The following CNTRL variants were observed in gnomAD, a reference collection of about 807,000 sequenced individuals.
The protein encoded by CNTRL is 110 kDa centrosomal protein.
CNTRL carries 233 observed loss-of-function variants against 303.7 expected under a neutral mutation model. That is an observed-to-expected ratio of 0.77 (90% CI 0.69 to 0.86). The LOEUF (loss-of-function observed/expected upper bound fraction) is 0.86. Among genes scored for constraint, CNTRL ranks in the 40% least tolerant of loss-of-function variants. The probability of loss-of-function intolerance (pLI) is 0.00; values close to 1 mark genes in which losing one functional copy is unlikely to be tolerated. For missense variants in CNTRL, 2,524 were observed against 2,650.6 expected (o/e 0.95, Z 1.05); for synonymous variants, 900 against 922.2 (o/e 0.98, Z 0.44).
chr9:121,139,498 A>G (rs547616709), intron 16 of CNTRL, among the ~76,000 whole-genome samples: 2 of 152,194 alleles, frequency 1.3e-5, no homozygotes, highest in Non-Finnish European at 2.9e-5. Flanking sequence ...CACTTCAAAT[A>G]TTTGTTCCTT....
intron 7 of CNTRL, among the ~76,000 whole-genome samples, chr9:121,100,262 T>G (rs566525963): frequency 6.6e-6 from 1 of 152,312 alleles, no homozygotes; most frequent in South Asian, 2.1e-4. Flanking sequence ...TTCAACATTC[T>G]TAAAGAAAAT....
chr9:121,170,011 A>G lies in CNTRL; in HGVS notation c.6276+195A>G, dbSNP rs144302134. 8.7e-4 allele frequency among the ~76,000 whole-genome samples: 132 copies of G among 152,276 alleles called. 2 individuals carry two copies. In the East Asian group the frequency reaches 0.023, roughly 27 times the overall value. Reference sequence around the variant, plus strand: ...TTTACCTGGGACGGGTGCAGCCTCAATGGAGCTCTGGCTGGCTGGGGAGAC... The same window carrying G: ...TTTACCTGGGACGGGTGCAGCCTCAGTGGAGCTCTGGCTGGCTGGGGAGAC... On this transcript the variant is annotated intron_variant, in intron 39 of 43. Transcript: ENST00000373855.
intron 16 of CNTRL, among the ~76,000 whole-genome samples, chr9:121,139,589 T>C (rs1191060616): frequency 6.6e-6 from 1 of 152,238 alleles, no homozygotes; most frequent in Non-Finnish European, 1.5e-5. Flanking sequence ...TCATAAAAGA[T>C]ATACATGTTT....
chr9:121,165,660 A>C (rs2053060495), intron 35 of CNTRL, among the ~76,000 whole-genome samples: 1 of 152,146 alleles, frequency 6.6e-6, no homozygotes, highest in Non-Finnish European at 1.5e-5. Context: ...AAATTATTTT[A>C]CTCATTTGTA....
At position 121,175,009 on chromosome 9, in the gene CNTRL, A is replaced by G. The variant is rs1291462719; in HGVS notation, c.6748-9A>G. ...TGTGTAAAACCCTAAGTCTTATCACACTTTTCAGGCCCAACTCCGACACTG... is the reference window on the plus strand; with the variant it reads ...TGTGTAAAACCCTAAGTCTTATCACGCTTTTCAGGCCCAACTCCGACACTG... On this transcript the variant is annotated splice_polypyrimidine_tract_variant and intron_variant, in intron 42 of 43. Transcript: ENST00000373855. The G allele has an allele frequency of 1.9e-6, 3 of 1,613,364 alleles. No individual in the cohort carries two copies. The highest frequency in any genetic ancestry group is 2.5e-6 in the Non-Finnish European group (3 of 1,179,642).
chr9:121,075,968 G>A (rs1386719833), intron 1 of CNTRL, among the ~76,000 whole-genome samples: 1 of 152,094 alleles, frequency 6.6e-6, no homozygotes, highest in Non-Finnish European at 1.5e-5. Flanking sequence ...TGTAAATCAG[G>A]TTAATAATTC....
At chr9:121,081,894 G>C (rs1324626310) in intron 2 of CNTRL, among the ~76,000 whole-genome samples, 1 of 152,180 alleles carries the variant, frequency 6.6e-6, no homozygotes, top group East Asian at 1.9e-4. Context: ...TTGTGGGGTT[G>C]GGCTTAAAGT....
At chr9:121,129,352 A>G (rs190956443) in intron 14 of CNTRL, among the ~76,000 whole-genome samples, 1 of 152,304 alleles carries the variant, frequency 6.6e-6, no homozygotes, top group Admixed American at 6.5e-5. Context: ...GACGTCCTTC[A>G]CATCCCTTGT....
intron 4 of CNTRL, 132 bp from the exon 5 acceptor site, chr9:121,094,756 C>G (rs2048817467): frequency 8.3e-6 from 5 of 599,568 alleles, no homozygotes; most frequent in Non-Finnish European, 1.4e-5. Flanking sequence ...TCAAGGGATT[C>G]TCCAGGAGAG....
Position 121,169,690 on chromosome 9 carries a change from T to C in CNTRL, c.6150T>C (p.Ser2050=). ...TGGCCCTCCAGAAAGAGGCAGATTC[T>C]ATGAGGGCAGACTTCAGCCTTCTGC... ...ELLALQKEAD[S]MRADFSLLRN... is the part of the protein sequence containing the mutation. The change falls in exon 39 of 44, where the codon TCT becomes TCC. Residue 2050 remains serine (S), a synonymous_variant. Transcript: ENST00000373855. 1 of 1,614,176 alleles carries C rather than the reference T, an allele frequency of 6.2e-7. No individual in the cohort carries two copies. The highest frequency in any genetic ancestry group is 8.5e-7 in the Non-Finnish European group (1 of 1,180,028).
intron 43 of CNTRL, 54 bp downstream of exon 43, chr9:121,175,278 C>CT (rs773619859): frequency 1.3e-6 from 2 of 1,539,468 alleles, no homozygotes; most frequent in Admixed American, 3.4e-5. Context: ...TGTTTTTTGT[C>CT]TTTTTTGAGA....
At chr9:121,133,988 C>CT (rs1379149481) in intron 14 of CNTRL, among the ~76,000 whole-genome samples, 1 of 152,172 alleles carries the variant, frequency 6.6e-6, no homozygotes, top group Non-Finnish European at 1.5e-5. Flanking sequence ...TGCCAGTCTG[C>CT]TGAGCTTTAA....
At chr9:121,154,170 T>C (rs1220964805) in intron 26 of CNTRL, among the ~76,000 whole-genome samples, 1 of 152,238 alleles carries the variant, frequency 6.6e-6, no homozygotes, top group African/African-American at 2.4e-5. Context: ...TATTTTTCTG[T>C]CATGCAGTCA....
At position 121,171,448 on chromosome 9, in the gene CNTRL, C is replaced by T. The variant is rs1324567573; in HGVS notation, c.6317C>T (p.Ala2106Val). ...QENSCIQKEM[A>V]TIELVAQDNH... ...AACAGCTGCATACAAAAGGAAATGG[C>T]AACAATTGAACTGGTAGCCCAGGAC... Residue 2106 changes from alanine to valine, a missense_variant, in exon 40 of 44, where the codon GCA becomes GTA. Physicochemically the swap from Ala to Val is moderately conservative, Grantham distance 64. Transcript: ENST00000373855. 2.5e-6 allele frequency: 4 copies of T among 1,613,982 alleles called. No homozygotes were observed. The Admixed American group carries it at 6.7e-5, about 27-fold the overall frequency.
At position 121,147,034 on chromosome 9, in the gene CNTRL, G is replaced by A. The variant is rs556755083; in HGVS notation, c.3459+778G>A. Among the ~76,000 whole-genome samples the A allele has an allele frequency of 3.9e-5, 6 of 152,308 alleles. No homozygotes were observed. The East Asian group carries it at 1.2e-3, about 29-fold the overall frequency. ...TTTTTGTTTTTTGAGACGGAGTCTT[G>A]CTGTGTCCCCCAGGCTGGAGTGCAG... is the stretch of plus-strand genomic sequence containing the variant. On this transcript the variant is annotated intron_variant, in intron 23 of 43. Coordinates refer to ENST00000373855, the MANE Select transcript of CNTRL (RefSeq NM_007018.6).
chr9:121,143,769 A>G, intron 19 of CNTRL, 134 bp from the exon 20 acceptor site: 1 of 580,656 alleles, frequency 1.7e-6, no homozygotes, highest in Non-Finnish European at 3.0e-6. Context: ...CATTGGATAT[A>G]TGTGGAGTAC....
chr9:121,123,423 A>G (rs1251440623), intron 12 of CNTRL, among the ~76,000 whole-genome samples: 4 of 152,164 alleles, frequency 2.6e-5, no homozygotes, highest in Non-Finnish European at 5.9e-5. Flanking sequence ...TGTACTAAAA[A>G]AAACAACAAA....
intron 4 of CNTRL, among the ~76,000 whole-genome samples, chr9:121,093,552 C>T (rs774348723): frequency 2.0e-5 from 3 of 152,088 alleles, no homozygotes; most frequent in Admixed American, 1.3e-4. Context: ...GAATGGAAGA[C>T]AGAATGAACA....
intron 20 of CNTRL, 41 bp from the exon 21 acceptor site, chr9:121,144,802 G>A (rs2051737625): frequency 1.4e-6 from 2 of 1,415,696 alleles, no homozygotes; most frequent in Admixed American, 1.7e-5. Context: ...AAGACAACCT[G>A]TGATAGCAGT....
Sources: allele counts gnomAD v4.1 joint callset (sites outside exome capture counted in the v4.1 genomes callset), GRCh38; gene constraint gnomAD v4.1.1; transcripts MANE v1.5; gene names NCBI Gene and HGNC (gene_info 2026-07-23, HGNC 2026-07-21).